Variants in RIC3 observed in about 807,000 individuals in gnomAD.
RIC3 encodes RIC3 acetylcholine receptor chaperone, also known as protein RIC-3.
A neutral mutation model predicts 27.3 loss-of-function variants in RIC3; 28 were observed. The ratio of observed to expected loss-of-function variants is 1.02; its 90% CI spans 0.76 to 1.41. RIC3 has a LOEUF of 1.41. Among genes scored for constraint, RIC3 ranks in the 40% most tolerant of loss-of-function variants. The pLI is 0.00. For synonymous variants in RIC3, 184 were observed against 160.4 expected, an observed-to-expected ratio of 1.15 and a Z score of -1.11; for missense variants, 501 against 444.7, an observed-to-expected ratio of 1.13 and a Z score of -1.14.
intron 5 of RIC3, among the ~76,000 whole-genome samples, chr11:8,121,773 G>A (rs1001350618): frequency 6.6e-6 from 1 of 152,044 alleles, no homozygotes; most frequent in African/African-American, 2.4e-5. Flanking sequence ...TATTTTTCCA[G>A]TTTATTCTTG....
intron 4 of RIC3, chr11:8,128,386 G>A: frequency 1.3e-5 from 5 of 394,306 alleles, no homozygotes; most frequent in South Asian, 7.6e-5. Flanking sequence ...ACAGGAAGCA[G>A]GAACAGACAA....
chr11:8,094,549 G>C, the RIC3 span, among the ~76,000 whole-genome samples: 5 of 152,346 alleles, frequency 3.3e-5, no homozygotes, highest in Non-Finnish European at 7.3e-5. Context: ...ACTGGGGGCT[G>C]ACTGCTTCCC....
chr11:8,135,188 GC>G (rs1680321563), intron 4 of RIC3, among the ~76,000 whole-genome samples: 1 of 152,170 alleles, frequency 6.6e-6, no homozygotes, highest in Admixed American at 6.5e-5. Context: ...TCCAGTTTCA[GC>G]TTTCTACATA....
At chr11:8,167,327 GATAAA>G (rs1294591457) in intron 1 of RIC3, among the ~76,000 whole-genome samples, 1 of 152,098 alleles carries the variant, frequency 6.6e-6, no homozygotes, top group African/African-American at 2.4e-5. Flanking sequence ...TATAAAACAT[GATAAA>G]ATAGAGAATG....
intron 1 of RIC3, among the ~76,000 whole-genome samples, chr11:8,165,341 A>G (rs548322798): frequency 7.7e-6 from 1 of 129,968 alleles, no homozygotes; most frequent in African/African-American, 2.9e-5. Flanking sequence ...ACACAATGAA[A>G]TATTATTCAG....
At chr11:8,134,472 T>G (rs1481126188) in intron 4 of RIC3, among the ~76,000 whole-genome samples, 1 of 152,236 alleles carries the variant, frequency 6.6e-6, no homozygotes, top group Non-Finnish European at 1.5e-5. Flanking sequence ...GCATGTGTCT[T>G]TATAGCAGCA....
intron 1 of RIC3, among the ~76,000 whole-genome samples, chr11:8,149,026 A>AAC (rs1949986224): frequency 1.4e-5 from 2 of 144,290 alleles, no homozygotes; most frequent in South Asian, 4.4e-4. Flanking sequence ...TAAAAATACA[A>AAC]AAAAAAAAAA....
At chr11:8,124,423 T>C (rs1946790873) in intron 5 of RIC3, among the ~76,000 whole-genome samples, 1 of 152,230 alleles carries the variant, frequency 6.6e-6, no homozygotes, top group African/African-American at 2.4e-5. Context: ...AAGACGTTCA[T>C]GAACTAGAAG....
At chr11:8,104,921 C>G (rs896107964), downstream of RIC3, 3 of 135,554 alleles carry the variant, frequency 2.2e-5, no homozygotes, top group Non-Finnish European at 3.2e-5. Context: ...ATTCTAGAAG[C>G]AGAAGGTTGT....
intron 5 of RIC3, among the ~76,000 whole-genome samples, chr11:8,123,796 T>C (rs1310808243): frequency 6.6e-6 from 1 of 151,770 alleles, no homozygotes; most frequent in East Asian, 2.0e-4. Context: ...TCCCAGCATT[T>C]TGGAGGCCAA....
At chr11:8,149,322 A>C (rs1416752729) in intron 1 of RIC3, among the ~76,000 whole-genome samples, 1 of 152,186 alleles carries the variant, frequency 6.6e-6, no homozygotes, top group Non-Finnish European at 1.5e-5. Flanking sequence ...AAGACTGTGT[A>C]TATGAGATTG....
At chr11:8,131,057 G>C (rs1340520382) in intron 4 of RIC3, among the ~76,000 whole-genome samples, 1 of 152,070 alleles carries the variant, frequency 6.6e-6, no homozygotes, top group Non-Finnish European at 1.5e-5. Flanking sequence ...CAAAATCAGA[G>C]AAATCACATG....
At chr11:8,125,126 C>T (rs968110619) in intron 5 of RIC3, among the ~76,000 whole-genome samples, 17 of 151,718 alleles carry the variant, frequency 1.1e-4, no homozygotes, top group African/African-American at 3.4e-4. Flanking sequence ...TGGTGGCAGG[C>T]GCCTGTAGTC....
chr11:8,128,155 T>C, intron 4 of RIC3: 1 of 456,818 alleles, frequency 2.2e-6, no homozygotes, highest in Non-Finnish European at 4.4e-6. Flanking sequence ...ACATAACCCC[T>C]ATTTCTTACT....
At chr11:8,122,946 G>T (rs1050277318) in intron 5 of RIC3, among the ~76,000 whole-genome samples, 1 of 150,428 alleles carries the variant, frequency 6.6e-6, no homozygotes, top group Non-Finnish European at 1.5e-5. Flanking sequence ...CCCAGAAATG[G>T]CATGGATGAT....
At chr11:8,118,560 T>C (rs1008330516) in intron 5 of RIC3, among the ~76,000 whole-genome samples, 2 of 106,406 alleles carry the variant, frequency 1.9e-5, no homozygotes, top group Non-Finnish European at 4.1e-5. Flanking sequence ...AAAAAATTAA[T>C]GCTCAGGCAA....
chr11:8,133,582 T>C (rs977434430), intron 4 of RIC3, among the ~76,000 whole-genome samples: 6 of 152,254 alleles, frequency 3.9e-5, no homozygotes, highest in Admixed American at 3.9e-4. Flanking sequence ...TTTGCCATGC[T>C]GCAGGCTTCA....
chr11:8,101,373 C>T, downstream of RIC3: 1 of 1,363,858 alleles, frequency 7.3e-7, no homozygotes, highest in Non-Finnish European at 1.0e-6. Flanking sequence ...CCCCTGGCAT[C>T]TCTGCTTCTC....
intron 1 of RIC3, among the ~76,000 whole-genome samples, chr11:8,157,263 T>C (rs1950744814): frequency 6.6e-6 from 1 of 152,232 alleles, no homozygotes; most frequent in Non-Finnish European, 1.5e-5. Context: ...GGGGCTGCTT[T>C]ATCAATTACA....
Sources: gnomAD v4.1 joint callset for allele counts (sites outside exome capture counted in the v4.1 genomes callset) on GRCh38, gnomAD v4.1.1 for gene constraint, MANE v1.5 for transcripts, NCBI Gene and HGNC (gene_info 2026-07-23, HGNC 2026-07-21) for gene names.